Variants in FAAH2 observed in about 807,000 individuals in gnomAD.
FAAH2 encodes fatty acid amide hydrolase 2.
A neutral mutation model predicts 36.9 loss-of-function variants in FAAH2; 60 were observed. The observed-to-expected ratio is 1.63, with a 90% CI of 1.32 to 2.02. The LOEUF (loss-of-function observed/expected upper bound fraction) is 2.02. FAAH2 is among the 30% of genes most tolerant of loss of function. The probability of loss-of-function intolerance (pLI) is 0.00; values close to 1 mark genes in which losing one functional copy is unlikely to be tolerated. For missense variants in FAAH2, 689 were observed against 397.5 expected (o/e 1.73, Z -6.23); for synonymous variants, 214 against 143.8 (o/e 1.49, Z -3.49).
chrX:57,332,791 C>T (rs1039658183), intron 4 of FAAH2, among the ~76,000 whole-genome samples: 1 of 111,643 alleles, frequency 9.0e-6, no homozygotes, highest in South Asian at 3.7e-4. Context: ...AAAAAGTAGC[C>T]ATTTTGAAAT....
intron 10 of FAAH2, among the ~76,000 whole-genome samples, chrX:57,488,359 T>G (rs971909783): frequency 8.9e-6 from 1 of 112,078 alleles, no homozygotes; most frequent in Admixed American, 9.5e-5. Context: ...AATATATTAT[T>G]CTACTTTATA....
intron 3 of FAAH2, among the ~76,000 whole-genome samples, chrX:57,314,689 CA>C (rs1408655173): frequency 3.6e-5 from 4 of 110,361 alleles, no homozygotes; most frequent in African/African-American, 1.3e-4. Context: ...AGGTGAACAT[CA>C]AAATTAAGGC....
the FAAH2 span, among the ~76,000 whole-genome samples, chrX:57,190,061 C>T: frequency 8.9e-6 from 1 of 111,736 alleles, no homozygotes; most frequent in African/African-American, 3.3e-5. Context: ...TCTATAACCC[C>T]CTGACTGGGG....
intron 10 of FAAH2, among the ~76,000 whole-genome samples, chrX:57,479,163 T>C (rs1340711929): frequency 3.9e-4 from 43 of 111,472 alleles, no homozygotes; most frequent in Non-Finnish European, 1.3e-4. Flanking sequence ...TTTTATTTCA[T>C]TGAGCAGTGG....
At chrX:57,141,860 G>C in the FAAH2 span, among the ~76,000 whole-genome samples, 1 of 110,520 alleles carries the variant, frequency 9.0e-6, no homozygotes, top group Admixed American at 9.7e-5. Flanking sequence ...GTATATGTGT[G>C]TCATGGTGGT....
At chrX:57,373,763 C>T (rs188143258) in intron 5 of FAAH2, among the ~76,000 whole-genome samples, 1,190 of 111,186 alleles carry the variant, frequency 0.011, 9 homozygotes, top group Non-Finnish European at 0.018. Context: ...ATTGCATTTG[C>T]TTTTGGGTTA....
chrX:57,261,060 C>G, the FAAH2 span, among the ~76,000 whole-genome samples: 1 of 111,275 alleles, frequency 9.0e-6, no homozygotes, highest in African/African-American at 3.3e-5. Context: ...TATAATAAAG[C>G]TTTTGTTTAT....
intron 8 of FAAH2, among the ~76,000 whole-genome samples, chrX:57,438,276 T>C (rs1314890608): frequency 9.4e-6 from 1 of 106,121 alleles, no homozygotes; most frequent in African/African-American, 3.4e-5. Context: ...GATATAGATA[T>C]AGATATCAGT....
chrX:57,143,780 T>A, the FAAH2 span, among the ~76,000 whole-genome samples: 1 of 111,736 alleles, frequency 8.9e-6, no homozygotes, highest in Non-Finnish European at 1.9e-5. Flanking sequence ...GCCTAGCCTG[T>A]TATTATTTTT....
At chrX:57,340,117 C>T (rs752291888) in intron 4 of FAAH2, among the ~76,000 whole-genome samples, 6 of 111,767 alleles carry the variant, frequency 5.4e-5, no homozygotes, top group Non-Finnish European at 9.4e-5. Flanking sequence ...GGCCCAAGAG[C>T]CCCCGGCAAA....
At chrX:57,380,834 A>G in intron 6 of FAAH2, 78 bp from the exon 7 acceptor site, 1 of 588,375 alleles carries the variant, frequency 1.7e-6, no homozygotes, top group East Asian at 3.6e-5. Flanking sequence ...ATTAGAGCTG[A>G]AGCTCAGATG....
At chrX:57,191,044 G>C in the FAAH2 span, among the ~76,000 whole-genome samples, 1 of 111,395 alleles carries the variant, frequency 9.0e-6, no homozygotes, top group Non-Finnish European at 1.9e-5. Flanking sequence ...CCTATTTTTA[G>C]TATTTTAAGA....
chrX:57,364,009 G>GTTTTTTTTTTT (rs59787885), intron 5 of FAAH2, among the ~76,000 whole-genome samples: 2 of 46,542 alleles, frequency 4.3e-5, no homozygotes, highest in Non-Finnish European at 3.6e-5. Context: ...GGCCTGTAGG[G>GTTTTTTTTTTT]TTTTTTTTTT....
At chrX:57,485,180 A>T (rs774060681) in intron 10 of FAAH2, among the ~76,000 whole-genome samples, 2 of 112,136 alleles carry the variant, frequency 1.8e-5, no homozygotes, top group Non-Finnish European at 3.8e-5. Context: ...TTCCTCCTAC[A>T]GATGCAGTGT....
the FAAH2 span, among the ~76,000 whole-genome samples, chrX:57,177,333 G>A: frequency 9.3e-6 from 1 of 107,579 alleles, no homozygotes; most frequent in Non-Finnish European, 1.9e-5. Flanking sequence ...TCATATGCAG[G>A]AATGCTGATG....
At chrX:57,439,785 G>A (rs2056507056) in intron 8 of FAAH2, among the ~76,000 whole-genome samples, 1 of 111,744 alleles carries the variant, frequency 8.9e-6, no homozygotes, top group South Asian at 3.7e-4. Flanking sequence ...TGCATAAGGT[G>A]TAAGGAAGGG....
chrX:57,176,252 G>A, the FAAH2 span, among the ~76,000 whole-genome samples: 2 of 99,778 alleles, frequency 2.0e-5, no homozygotes, highest in Non-Finnish European at 3.9e-5. Flanking sequence ...ATATTTTTTG[G>A]AGACTTTATT....
chrX:57,233,156 T>C, the FAAH2 span, among the ~76,000 whole-genome samples: 1 of 111,894 alleles, frequency 8.9e-6, no homozygotes, highest in East Asian at 2.8e-4. Context: ...GGCTTTTTCT[T>C]CTACTTCTGT....
the FAAH2 span, among the ~76,000 whole-genome samples, chrX:57,204,668 C>T: frequency 4.4e-5 from 5 of 112,376 alleles, no homozygotes; most frequent in Non-Finnish European, 9.4e-5. Context: ...AGTAGTTCTG[C>T]TTCTTTCTTT....
Sources: allele counts gnomAD v4.1 joint callset (sites outside exome capture counted in the v4.1 genomes callset), GRCh38; gene constraint gnomAD v4.1.1; transcripts MANE v1.5; gene names NCBI Gene and HGNC (gene_info 2026-07-23, HGNC 2026-07-21).